Variants in HS6ST3 observed in about 807,000 individuals in gnomAD.
HS6ST3 encodes heparan sulfate 6-O-sulfotransferase 3.
HS6ST3 carries 12 observed loss-of-function variants against 36.7 expected under a neutral mutation model. That is an observed-to-expected ratio of 0.33 (90% CI 0.21 to 0.53). The LOEUF (loss-of-function observed/expected upper bound fraction) is 0.53. Ranked by LOEUF, HS6ST3 falls within the 20% of genes least tolerant of loss-of-function variation. The pLI, the probability that HS6ST3 is intolerant of heterozygous loss-of-function variation, is 0.95. For synonymous variants in HS6ST3, 240 were observed against 257.5 expected, an observed-to-expected ratio of 0.93 and a Z score of 0.65; for missense variants, 584 against 640.9, an observed-to-expected ratio of 0.91 and a Z score of 0.96.
At chr13:96,128,755 C>T (rs2053962894) in intron 1 of HS6ST3, among the ~76,000 whole-genome samples, 1 of 152,126 alleles carries the variant, frequency 6.6e-6, no homozygotes, top group Admixed American at 6.5e-5. Context: ...TTGTTTGATG[C>T]AGAGAGCTTG....
chr13:96,103,375 C>T (rs1452954011), intron 1 of HS6ST3, among the ~76,000 whole-genome samples: 2 of 152,184 alleles, frequency 1.3e-5, no homozygotes, highest in Non-Finnish European at 2.9e-5. Flanking sequence ...TATATCATTT[C>T]CTGCCAACAT....
Position 96,790,470 on chromosome 13 carries a change from G to A in HS6ST3, c.708-42020G>A, listed in dbSNP as rs147566629. ...TTGTGGAGTCTCTACTTCATGTTAAGTAACATGCTGTATGAAATATATAGA... is the reference window on the plus strand; with the variant it reads ...TTGTGGAGTCTCTACTTCATGTTAAATAACATGCTGTATGAAATATATAGA... On this transcript the variant is annotated intron_variant, in intron 1 of 1. Transcript: ENST00000376705. 5.6e-3 allele frequency among the ~76,000 whole-genome samples: 845 copies of A among 152,050 alleles called. 5 individuals are homozygous for A. The highest frequency in any genetic ancestry group is 0.014 in the Middle Eastern group (4 of 294).
rs1370375298 is a variant in HS6ST3, at chr13:96,395,988, A to C, written c.707+304419A>C. On this transcript the variant is annotated intron_variant, in intron 1 of 1. Coordinates refer to ENST00000376705, the MANE Select transcript of HS6ST3 (RefSeq NM_153456.4). ...GAGCCTCTGTTTCCTTATCTGTAAA[A>C]TGGGAAAAATGATACCTACCTCCAT... 2.0e-5 allele frequency among the ~76,000 whole-genome samples: 3 copies of C among 152,126 alleles called. No individual in the cohort carries two copies. In the East Asian group the frequency reaches 5.8e-4, roughly 29 times the overall value.
intron 1 of HS6ST3, among the ~76,000 whole-genome samples, chr13:96,406,591 C>A (rs117804900): frequency 1.3e-5 from 2 of 152,104 alleles, no homozygotes; most frequent in African/African-American, 4.8e-5. Flanking sequence ...GTAGGAATTG[C>A]GCTATATTTA....
chr13:96,104,974 T>C (rs1473850601), intron 1 of HS6ST3, among the ~76,000 whole-genome samples: 3 of 149,166 alleles, frequency 2.0e-5, no homozygotes, highest in Non-Finnish European at 3.0e-5. Context: ...AAAACAGTTA[T>C]CAAGATTGGA....
chr13:96,407,148 T>G (rs2055482618), intron 1 of HS6ST3, among the ~76,000 whole-genome samples: 2 of 152,224 alleles, frequency 1.3e-5, no homozygotes, highest in Non-Finnish European at 2.9e-5. Flanking sequence ...TGCAATGATC[T>G]GTTAATGTTG....
chr13:96,581,541 C>A (rs116564179), intron 1 of HS6ST3, among the ~76,000 whole-genome samples: 2 of 151,902 alleles, frequency 1.3e-5, no homozygotes, highest in African/African-American at 2.4e-5. Context: ...TTTTTGAGTC[C>A]GTTTTTGGAT....
intron 1 of HS6ST3, among the ~76,000 whole-genome samples, chr13:96,641,721 TAACA>T (rs2056570785): frequency 6.6e-6 from 1 of 151,890 alleles, no homozygotes; most frequent in Non-Finnish European, 1.5e-5. Context: ...TCTGAATTTA[TAACA>T]AGGTAGTTTG....
At chr13:96,648,223 C>G (rs1161764086) in intron 1 of HS6ST3, among the ~76,000 whole-genome samples, 1 of 152,046 alleles carries the variant, frequency 6.6e-6, no homozygotes, top group Non-Finnish European at 1.5e-5. Flanking sequence ...CACAAGCTGT[C>G]ACCTGAAATT....
chr13:96,247,497 C>T lies in HS6ST3; in HGVS notation c.707+155928C>T, dbSNP rs530403908. ...TTTGCACATTCTTCTCTCTTGCCAC[C>T]ATGTGAAAAAGGCCCTTGCTTCCTC... On this transcript the variant is annotated intron_variant, in intron 1 of 1. Coordinates refer to ENST00000376705, the MANE Select transcript of HS6ST3 (RefSeq NM_153456.4). Among the ~76,000 whole-genome samples the T allele has an allele frequency of 3.2e-4, 49 of 152,142 alleles. No homozygotes were observed. The Middle Eastern group carries it at 0.01, about 32-fold the overall frequency.
At chr13:96,829,282 G>C (rs997483370) in intron 1 of HS6ST3, among the ~76,000 whole-genome samples, 1 of 151,846 alleles carries the variant, frequency 6.6e-6, no homozygotes, top group Admixed American at 6.6e-5. Context: ...AAGGGGGTAA[G>C]AGCAACTTCC....
intron 1 of HS6ST3, among the ~76,000 whole-genome samples, chr13:96,532,217 G>A (rs1408715876): frequency 6.6e-6 from 1 of 152,108 alleles, no homozygotes; most frequent in African/African-American, 2.4e-5. Context: ...TATTTGATGG[G>A]GAATAACGGG....
At chr13:96,179,219 T>A (rs146103405) in intron 1 of HS6ST3, among the ~76,000 whole-genome samples, 1 of 152,188 alleles carries the variant, frequency 6.6e-6, no homozygotes, top group Non-Finnish European at 1.5e-5. Context: ...AAATCCAGAC[T>A]ATATTTTTAA....
rs2054887862 is a variant in HS6ST3, at chr13:96,302,364, CTGA to C, written c.707+210800_707+210802del. ...ATTAAATAAATTATTACATATGCAGCTGATGATAACAAAATTTCATAGCCTTTT... is the reference window on the plus strand; with the variant it reads ...ATTAAATAAATTATTACATATGCAGCTGATAACAAAATTTCATAGCCTTTT... On this transcript the variant is annotated intron_variant, in intron 1 of 1. Transcript: ENST00000376705. Among the ~76,000 whole-genome samples, 5 of 152,124 alleles carry C rather than the reference CTGA, an allele frequency of 3.3e-5. No individual in the cohort carries two copies. The South Asian group carries it at 1.0e-3, about 32-fold the overall frequency.
At chr13:96,455,808 C>G (rs2055751866) in intron 1 of HS6ST3, among the ~76,000 whole-genome samples, 1 of 152,166 alleles carries the variant, frequency 6.6e-6, no homozygotes. Flanking sequence ...TAGCTAAAGA[C>G]TTTACAACAG....
chr13:96,689,198 G>A (rs1192152374), intron 1 of HS6ST3, among the ~76,000 whole-genome samples: 1 of 152,022 alleles, frequency 6.6e-6, no homozygotes, highest in South Asian at 2.1e-4. Flanking sequence ...ACATATATAA[G>A]GGTTACCACT....
intron 1 of HS6ST3, among the ~76,000 whole-genome samples, chr13:96,198,698 C>A (rs1230633657): frequency 6.6e-6 from 1 of 152,182 alleles, no homozygotes; most frequent in Admixed American, 6.5e-5. Flanking sequence ...CATCTGAGAC[C>A]AACTCAGCCT....
At chr13:96,391,824 A>G (rs1433716045) in intron 1 of HS6ST3, among the ~76,000 whole-genome samples, 9 of 152,230 alleles carry the variant, frequency 5.9e-5, no homozygotes, top group Non-Finnish European at 1.3e-4. Flanking sequence ...GGTTCCTTCC[A>G]TGACACGTGG....
intron 1 of HS6ST3, among the ~76,000 whole-genome samples, chr13:96,115,132 A>G (rs570789021): frequency 6.6e-6 from 1 of 152,296 alleles, no homozygotes; most frequent in East Asian, 1.9e-4. Flanking sequence ...TGAAGGGGTC[A>G]GGGACTTTTT....
Sources: allele counts gnomAD v4.1 joint callset (sites outside exome capture counted in the v4.1 genomes callset), GRCh38; gene constraint gnomAD v4.1.1; transcripts MANE v1.5; gene names NCBI Gene and HGNC (gene_info 2026-07-23, HGNC 2026-07-21).